The following WNT5A variants were observed in gnomAD, a reference collection of about 807,000 sequenced individuals.
WNT5A encodes Wnt family member 5A.
In WNT5A, 9 loss-of-function variants were observed where a neutral mutation model predicts 42.1. The observed-to-expected ratio is 0.21, with a 90% confidence interval of 0.13 to 0.37. The LOEUF is 0.37. Among genes scored for constraint, WNT5A ranks in the 10% least tolerant of loss-of-function variants. WNT5A has a pLI of 1.00. For missense variants in WNT5A, 426 were observed against 534.0 expected, an observed-to-expected ratio of 0.80 and a Z score of 1.99; for synonymous variants, 210 against 210.0, an observed-to-expected ratio of 1.00 and a Z score of 0.00.
At chr3:55,486,927 A>G in intron 1 of WNT5A, 53 bp downstream of exon 1, 3 of 1,239,610 alleles carry the variant, frequency 2.4e-6, no homozygotes, top group Non-Finnish European at 3.4e-6. Context: ...TTAACTTCCA[A>G]CAGGGGGTGG....
intron 2 of WNT5A, among the ~76,000 whole-genome samples, chr3:55,479,995 T>C (rs1319144379): frequency 6.6e-6 from 1 of 152,102 alleles, no homozygotes; most frequent in Admixed American, 6.5e-5. Flanking sequence ...GGGTAGGAGA[T>C]AGCAGTTCCT....
intron 1 of WNT5A, 69 bp downstream of exon 1, chr3:55,486,911 A>C: frequency 8.9e-7 from 1 of 1,120,122 alleles, no homozygotes; most frequent in Non-Finnish European, 1.4e-6. Context: ...GGCGAAGGGA[A>C]CTCAGTTAAC....
intron 1 of WNT5A, chr3:55,481,444 G>T: frequency 2.0e-6 from 2 of 979,130 alleles, no homozygotes; most frequent in Non-Finnish European, 2.4e-6. Flanking sequence ...GCCAGCGCGG[G>T]GGGTGGAGGA....
At chr3:55,479,262 T>C (rs976733492) in intron 3 of WNT5A, 52 bp downstream of exon 3, 1 of 1,443,324 alleles carries the variant, frequency 6.9e-7, no homozygotes, top group Admixed American at 2.6e-5. Flanking sequence ...TAAGGATTTC[T>C]TCTAGGAAAA....
upstream of WNT5A, among the ~76,000 whole-genome samples, chr3:55,491,000 A>C (rs1037859559): frequency 6.6e-6 from 1 of 152,228 alleles, no homozygotes; most frequent in Non-Finnish European, 1.5e-5. Context: ...AATAAGCTTC[A>C]TGTCAGCAGG....
chr3:55,480,530 G>A (rs774097427), intron 2 of WNT5A, among the ~76,000 whole-genome samples: 5 of 152,116 alleles, frequency 3.3e-5, no homozygotes, highest in East Asian at 1.9e-4. Flanking sequence ...ACAAGCACAC[G>A]TCTGAACAAG....
At chr3:55,505,140 G>T in the WNT5A span, 1 of 152,172 alleles carries the variant, frequency 6.6e-6, no homozygotes, top group South Asian at 2.1e-4. Flanking sequence ...ATTTATAAAG[G>T]AAAGAGGTTT....
chr3:55,470,366 C>T lies in WNT5A; in HGVS notation c.869G>A (p.Arg290His), dbSNP rs765101926. 5.0e-6 allele frequency: 8 copies of T among 1,613,986 alleles called. No individual in the cohort carries two copies. The South Asian group carries it at 8.8e-5, about 18-fold the overall frequency. ...GTCTTGTGTGGTGGGCGAGTTGAAG[C>T]GGCTGTTGACCTGTACCAACTTGCC... is the stretch of plus-strand genomic sequence containing the variant. ...SRGKLVQVNS[R>H]FNSPTTQDLV... Residue 290 changes from arginine to histidine, a missense_variant, in exon 5 of 5, where the codon CGC (arginine) becomes CAC (histidine). Around this residue, in one of 3 missense-constraint regions of WNT5A, gnomAD observed 358 missense variants for 468.1 expected, o/e 0.76. Transcript: ENST00000264634.
In WNT5A at chr3:55,467,166, G is replaced by A. The variant is rs2051157758; in HGVS notation, c.*2926C>T. ...CCACAGTAAATTCAAATAGAGAGGT[G>A]CAATAGTTGCAGTGGTAAACACACA... On this transcript the variant is annotated 3_prime_UTR_variant, in exon 5 of 5. Transcript: ENST00000264634. 6.6e-6 allele frequency: 1 copy of A among 152,256 alleles called. No homozygotes were observed. Among genetic ancestry groups the A allele is most frequent in the Non-Finnish European group, 1.5e-5 (1 of 68,018 alleles). 9.4% of individuals were successfully genotyped at this position (152,256 alleles called of 1,614,324 possible). A position where few individuals can be genotyped will look rare whatever the true frequency, so the allele number is the denominator to read the frequency against.
At position 55,481,560 on chromosome 3, in the gene WNT5A, A is replaced by G. The variant is rs932279345; in HGVS notation, c.7-642T>C. ...AAATGCAGCTCCGAATTAACATCGT[A>G]TGTTTCATAATCAGTTTACGAGCCG... On this transcript the variant is annotated intron_variant, in intron 1 of 4. Transcript: ENST00000264634. 4.6e-5 allele frequency among the ~76,000 whole-genome samples: 7 copies of G among 152,066 alleles called. 1 individual carries two copies.
chr3:55,489,803 TAC>T (rs1352458869), upstream of WNT5A: 2 of 152,314 alleles, frequency 1.3e-5, no homozygotes, highest in African/African-American at 4.8e-5. Flanking sequence ...GTGGGCATTT[TAC>T]AGTCTTCGAA....
At chr3:55,499,991 A>T in the WNT5A span, among the ~76,000 whole-genome samples, 2 of 151,542 alleles carry the variant, frequency 1.3e-5, no homozygotes, top group African/African-American at 2.4e-5. Flanking sequence ...AAAAAAAAAA[A>T]AAAATTAAAT....
chr3:55,495,022 T>G (rs2051701105), upstream of WNT5A, among the ~76,000 whole-genome samples: 2 of 152,346 alleles, frequency 1.3e-5, no homozygotes, highest in Non-Finnish European at 2.9e-5. Flanking sequence ...TAACATAATT[T>G]TTTAAAATTT....
chr3:55,472,109 GC>G (rs1410081161), intron 4 of WNT5A, among the ~76,000 whole-genome samples: 1 of 151,176 alleles, frequency 6.6e-6, no homozygotes, highest in Non-Finnish European at 1.5e-5. Context: ...CCATCCCAGA[GC>G]AAAAAAAACT....
At chr3:55,481,403 T>A in intron 1 of WNT5A, 1 of 982,352 alleles carries the variant, frequency 1.0e-6, no homozygotes, top group Non-Finnish European at 1.2e-6. Flanking sequence ...TGGAGCGCGC[T>A]GCCGCCAGAG....
chr3:55,489,503 C>T (rs1051146847), upstream of WNT5A, among the ~76,000 whole-genome samples: 5 of 152,010 alleles, frequency 3.3e-5, no homozygotes, highest in Admixed American at 2.6e-4. Flanking sequence ...CTCCACAGCC[C>T]CTTCCCATTC....
chr3:55,503,708 T>A, the WNT5A span, among the ~76,000 whole-genome samples: 1 of 152,298 alleles, frequency 6.6e-6, no homozygotes, highest in South Asian at 2.1e-4. Flanking sequence ...CCCAGCACTT[T>A]GGGAGGCTGA....
upstream of WNT5A, among the ~76,000 whole-genome samples, chr3:55,493,638 A>C (rs2051685521): frequency 6.6e-6 from 1 of 152,260 alleles, no homozygotes; most frequent in East Asian, 1.9e-4. Context: ...ACGTGTTCTA[A>C]ATAAGTGAAT....
rs2051204571 is a variant in WNT5A at position 55,469,468 on chromosome 3, A to G, written c.*624T>C. ...CTGTCTGCAAATGGAATATTTGAGG[A>G]GAATGAGACATGTGATATACCTTTT... On this transcript the variant is annotated 3_prime_UTR_variant, in exon 5 of 5. Coordinates refer to ENST00000264634, the MANE Select transcript of WNT5A (RefSeq NM_003392.7). 6.6e-6 allele frequency: 1 copy of G among 152,316 alleles called. No homozygotes were observed. Among genetic ancestry groups the G allele is most frequent in the Admixed American group, 6.5e-5 (1 of 15,290 alleles). The allele number at this position is 152,316 out of a possible 1,614,324, so 9.4% of individuals were successfully genotyped here.
Sources: gnomAD v4.1 joint callset for allele counts (sites outside exome capture counted in the v4.1 genomes callset) on GRCh38, gnomAD v4.1.1 for gene constraint, gnomAD v4.1.1 regional missense constraint, MANE v1.5 for transcripts, NCBI Gene and HGNC (gene_info 2026-07-23, HGNC 2026-07-21) for gene names.